The following MEAK7 variants were observed in gnomAD, a reference collection of about 807,000 sequenced individuals.
The protein encoded by MEAK7 is MTOR associated protein MEAK7, also known as MTOR-associated protein MEAK7.
In MEAK7, 68 loss-of-function variants were observed where a neutral mutation model predicts 40.5. The ratio of observed to expected loss-of-function variants is 1.68; its 90% CI spans 1.38 to 2.06. The LOEUF (loss-of-function observed/expected upper bound fraction) is 2.06, where lower values mean the gene tolerates loss of function less well. Ranked by LOEUF, MEAK7 falls within the 30% of genes most tolerant of loss-of-function variation. The probability of loss-of-function intolerance (pLI) is 0.00; values close to 1 mark genes in which losing one functional copy is unlikely to be tolerated. For synonymous variants in MEAK7, 338 were observed against 231.9 expected (o/e 1.46, Z -4.16); for missense variants, 918 against 580.5 (o/e 1.58, Z -5.98).
In MEAK7 at chr16:84,480,525, T is replaced by G. The variant is rs765502612; in HGVS notation, c.1257+4A>C. The G allele has an allele frequency of 6.2e-7, 1 of 1,604,244 alleles. No individual in the cohort carries two copies. Among genetic ancestry groups the G allele is most frequent in the East Asian group, 2.2e-5 (1 of 44,688 alleles). ...CCTGGGATGCAGAGGACAGCTCCAC[T>G]CACCAACTGCTCCTCTGAGGGGTCT... On this transcript the variant is annotated splice_donor_region_variant and intron_variant, in intron 7 of 7. Transcript: ENST00000343629.
At chr16:84,493,416 G>A (rs956519535) in intron 3 of MEAK7, among the ~76,000 whole-genome samples, 2 of 152,192 alleles carry the variant, frequency 1.3e-5, no homozygotes, top group African/African-American at 2.4e-5. Context: ...GGGGGCTGAC[G>A]TATTCATGAG....
intron 3 of MEAK7, among the ~76,000 whole-genome samples, chr16:84,492,104 T>A (rs74437794): frequency 1.3e-5 from 2 of 152,038 alleles, no homozygotes; most frequent in Admixed American, 1.3e-4. Flanking sequence ...ATTTAACCCC[T>A]CTAGGCCCAG....
At chr16:84,498,718 C>G (rs1914260528) in intron 1 of MEAK7, among the ~76,000 whole-genome samples, 1 of 152,106 alleles carries the variant, frequency 6.6e-6, no homozygotes, top group South Asian at 2.1e-4. Context: ...CTAATATAAT[C>G]AAAGGCAGGA....
chr16:84,503,369 C>T (rs972960459), intron 1 of MEAK7, among the ~76,000 whole-genome samples: 14 of 152,146 alleles, frequency 9.2e-5, no homozygotes, highest in African/African-American at 1.9e-4. Flanking sequence ...TAAGCTTACC[C>T]AGAATCCACC....
chr16:84,497,946 C>G lies in MEAK7; in HGVS notation c.141G>C (p.Leu47=). 1 of 1,614,208 alleles carries G rather than the reference C, an allele frequency of 6.2e-7. No homozygotes were observed. The highest frequency in any genetic ancestry group is 8.5e-7 in the Non-Finnish European group (1 of 1,180,046). The change falls in exon 2 of 8, where the codon CTG becomes CTC. Residue 47 remains leucine (L), a synonymous_variant. Coordinates refer to ENST00000343629, the MANE Select transcript of MEAK7 (RefSeq NM_020947.4). Reference sequence around the variant, plus strand: ...TTGTTACTCTTGCCTGTAGTGCCTTCAGAGAGAAGGATTTGGATGAGACAT... The same window carrying G: ...TTGTTACTCTTGCCTGTAGTGCCTTGAGAGAGAAGGATTTGGATGAGACAT... ...SPNVSSKSFS[L]KALQNHVGEA... is the part of the protein sequence containing the mutation.
intron 3 of MEAK7, among the ~76,000 whole-genome samples, chr16:84,490,875 C>A (rs1913538009): frequency 6.6e-6 from 1 of 152,028 alleles, no homozygotes; most frequent in African/African-American, 2.4e-5. Flanking sequence ...GTCTGGGATT[C>A]CTTAAAGAAA....
At position 84,478,324 on chromosome 16, in the gene MEAK7, C is replaced by T. The variant is rs932241941; in HGVS notation, c.*1589G>A. 1.2e-4 allele frequency: 19 copies of T among 152,190 alleles called. No individual in the cohort carries two copies. Among genetic ancestry groups the T allele is most frequent in the African/African-American group, 3.4e-4 (14 of 41,434 alleles). The allele number at this position is 152,190 out of a possible 1,614,324, so 9.4% of individuals were successfully genotyped here. ...CCTGCCCCTCCACACACTGTCTGAG[C>T]GTGCACTTTTCTTTCGAAGGCTAAT... On this transcript the variant is annotated 3_prime_UTR_variant, in exon 8 of 8. Transcript: ENST00000343629.
intron 3 of MEAK7, among the ~76,000 whole-genome samples, chr16:84,494,307 G>C (rs530798017): frequency 1.6e-4 from 25 of 152,216 alleles, no homozygotes; most frequent in Admixed American, 2.6e-4. Context: ...TAGTACACTG[G>C]TTATTGGATT....
In MEAK7 at chr16:84,487,061, T is replaced by C; in HGVS notation, c.530-2A>G. 6.2e-7 allele frequency: 1 copy of C among 1,608,264 alleles called. No individual in the cohort carries two copies. Among genetic ancestry groups the C allele is most frequent in the Non-Finnish European group, 8.5e-7 (1 of 1,177,156 alleles). On this transcript the variant is annotated splice_acceptor_variant, in intron 4 of 7. Coordinates refer to ENST00000343629, the MANE Select transcript of MEAK7 (RefSeq NM_020947.4). LOFTEE classifies it high-confidence loss of function. ...GGGGCCCCAGAAGTCTCTTGCCATC[T>C]AGGGGAAGGGGATGGTCAGCATTAG...
At chr16:84,490,395 C>G (rs1913468482) in intron 3 of MEAK7, among the ~76,000 whole-genome samples, 1 of 146,220 alleles carries the variant, frequency 6.8e-6, no homozygotes, top group Non-Finnish European at 1.5e-5. Flanking sequence ...CTAAAAGACC[C>G]AGGGCAGCGG....
rs1449206143 is a variant in MEAK7 at position 84,479,984 on chromosome 16, G to T, written c.1300C>A (p.Gln434Lys). The stretch of plus-strand genomic sequence containing the variant: ...TGCCCACTGATCTCCAGCAGGGCCT[G>T]GGCCTCAGGGTCCGCATCCAGGATG... ...KSILDADPEAQALLEISGHSR... is the reference protein window; with the variant it reads ...KSILDADPEAKALLEISGHSR... Residue 434 changes from glutamine to lysine, a missense_variant, in exon 8 of 8, where the codon CAG becomes AAG. Physicochemically the swap from Gln to Lys is moderately conservative, Grantham distance 53. Transcript: ENST00000343629. The T allele has an allele frequency of 1.2e-6, 2 of 1,609,302 alleles. No homozygotes were observed. The highest frequency in any genetic ancestry group is 1.7e-6 in the Non-Finnish European group (2 of 1,176,920).
intron 3 of MEAK7, chr16:84,494,749 A>G (rs1206132937): frequency 2.2e-6 from 1 of 445,370 alleles, no homozygotes; most frequent in South Asian, 1.6e-5. Context: ...CTGACTAGGA[A>G]TAAACCATTC....
rs925748689 is a variant in MEAK7, at chr16:84,482,706, G to A, written c.963C>T (p.Asp321=). ...AGATGGAGAACAGGAAGCATCTGTT[G>A]TCCCCTGAAAGTAGCCAGAGAACAA... The part of the protein sequence containing the change: ...SWEVKPQFQG[D]NRCFLFSICP... The change falls in exon 6 of 8, where the codon GAC becomes GAT. Residue 321 remains aspartate, a synonymous_variant. Transcript: ENST00000343629. 8.7e-6 allele frequency: 14 copies of A among 1,614,098 alleles called. No homozygotes were observed. The highest frequency in any genetic ancestry group is 2.2e-5 in the East Asian group (1 of 44,866).
intron 1 of MEAK7, chr16:84,503,821 G>A (rs1181045421): frequency 5.3e-6 from 3 of 571,112 alleles, no homozygotes; most frequent in African/African-American, 4.1e-5. Context: ...TAGTATCCTA[G>A]GAATGGCTTA....
chr16:84,489,198 A>G (rs78069652), intron 4 of MEAK7, 80 bp downstream of exon 4: 36,428 of 1,505,334 alleles, frequency 0.024, 539 homozygotes, highest in Non-Finnish European at 0.028. Flanking sequence ...TCAAAGCTTT[A>G]CTACACAGCT....
Position 84,489,276 on chromosome 16 carries a change from G to C in MEAK7, c.529+2C>G. 3 of 1,613,926 alleles carry C rather than the reference G, an allele frequency of 1.9e-6. No homozygotes were observed. The highest frequency in any genetic ancestry group is 2.5e-6 in the Non-Finnish European group (3 of 1,179,916). ...TGCATCACCGCGTCCACGCACACTTGCCTTGCAGCTTCATGTCAGAGAGCA... is the reference window on the plus strand; with the variant it reads ...TGCATCACCGCGTCCACGCACACTTCCCTTGCAGCTTCATGTCAGAGAGCA... On this transcript the variant is annotated splice_donor_variant, in intron 4 of 7. Coordinates refer to ENST00000343629, the MANE Select transcript of MEAK7 (RefSeq NM_020947.4). LOFTEE classifies it high-confidence loss of function.
chr16:84,495,861 C>G lies in MEAK7; in HGVS notation c.206G>C (p.Gly69Ala), dbSNP rs751697821. ...CCCTGTCAGGTCGACCCTCCGCATG[C>G]CATCATACAGCCTGGTGACCATCTC... is the stretch of plus-strand genomic sequence containing the variant. ...PPEMVTRLYD[G>A]MRRVDLTGKA... Residue 69 changes from glycine to alanine, a missense_variant, in exon 3 of 8, where the codon GGC (glycine) becomes GCC (alanine). By Grantham distance (60) the Gly-to-Ala change is moderately conservative. Transcript: ENST00000343629. 6.2e-7 allele frequency: 1 copy of G among 1,614,084 alleles called. No individual in the cohort carries two copies.
chr16:84,497,739 G>T, intron 2 of MEAK7, 195 bp downstream of exon 2: 1 of 1,338,846 alleles, frequency 7.5e-7, no homozygotes, highest in Non-Finnish European at 1.0e-6. Context: ...TAACGGCAGA[G>T]CAGAGGAGCT....
chr16:84,496,455 C>T (rs1220251201), intron 2 of MEAK7, among the ~76,000 whole-genome samples: 2 of 152,194 alleles, frequency 1.3e-5, no homozygotes, highest in Non-Finnish European at 2.9e-5. Flanking sequence ...CCTCTTCCTT[C>T]CGCCTTCTCC....
Sources: allele counts gnomAD v4.1 joint callset (sites outside exome capture counted in the v4.1 genomes callset), GRCh38; gene constraint gnomAD v4.1.1; transcripts MANE v1.5; gene names NCBI Gene and HGNC (gene_info 2026-07-23, HGNC 2026-07-21).